GRIA1: variants seen among roughly 807,000 people sequenced by gnomAD.
GRIA1 encodes the protein glutamate ionotropic receptor AMPA type subunit 1.
In GRIA1, 31 loss-of-function variants were observed where a neutral mutation model predicts 99.2. The observed-to-expected ratio is 0.31, with a 90% CI of 0.23 to 0.42. The LOEUF (loss-of-function observed/expected upper bound fraction) is 0.42. Among genes scored for constraint, GRIA1 ranks in the 10% least tolerant of loss-of-function variants. The pLI, the probability that GRIA1 is intolerant of heterozygous loss-of-function variation, is 1.00. For synonymous variants in GRIA1, 438 were observed against 432.4 expected (o/e 1.01, Z -0.16); for missense variants, 782 against 1,157.5 (o/e 0.68, Z 4.71).
At chr5:153,713,434 G>T (rs1203805608) in intron 11 of GRIA1, among the ~76,000 whole-genome samples, 2 of 152,260 alleles carry the variant, frequency 1.3e-5, no homozygotes, top group African/African-American at 4.8e-5. Flanking sequence ...GAGATAGGGT[G>T]TGGAACTCCA....
chr5:153,724,080 C>T (rs976691313), intron 11 of GRIA1, among the ~76,000 whole-genome samples: 5 of 152,310 alleles, frequency 3.3e-5, no homozygotes, highest in East Asian at 1.9e-4. Context: ...GCAGCATTTG[C>T]GGTTCACGAA....
At chr5:153,808,453 CAT>C (rs1766590488) in intron 15 of GRIA1, among the ~76,000 whole-genome samples, 1 of 152,156 alleles carries the variant, frequency 6.6e-6, no homozygotes, top group Admixed American at 6.5e-5. Flanking sequence ...CACTAGGTCA[CAT>C]ATAACTGTTA....
chr5:153,708,396 G>A (rs1759069603), intron 11 of GRIA1, among the ~76,000 whole-genome samples: 1 of 152,152 alleles, frequency 6.6e-6, no homozygotes, highest in South Asian at 2.1e-4. Context: ...GACTTCTGAG[G>A]GTTCCACTAG....
intron 2 of GRIA1, among the ~76,000 whole-genome samples, chr5:153,556,137 G>A (rs1178279785): frequency 1.3e-5 from 2 of 152,142 alleles, no homozygotes; most frequent in Non-Finnish European, 2.9e-5. Context: ...GTAGTATGTG[G>A]CCTGGGTTTG....
intron 6 of GRIA1, among the ~76,000 whole-genome samples, chr5:153,675,592 CT>C (rs1364950680): frequency 6.6e-6 from 1 of 152,222 alleles, no homozygotes; most frequent in East Asian, 1.9e-4. Context: ...AACAGTGAAT[CT>C]TTGACAGACT....
chr5:153,593,083 T>C (rs955366212), intron 2 of GRIA1, among the ~76,000 whole-genome samples: 1 of 152,132 alleles, frequency 6.6e-6, no homozygotes, highest in African/African-American at 2.4e-5. Flanking sequence ...CTGGCCAAGA[T>C]GGCAAAACCC....
chr5:153,674,450 G>T, intron 5 of GRIA1, 50 bp from the exon 6 acceptor site: 2 of 1,604,922 alleles, frequency 1.2e-6, no homozygotes, highest in South Asian at 1.1e-5. Flanking sequence ...AGGTTAAGTT[G>T]ATTTATCCAG....
intron 2 of GRIA1, among the ~76,000 whole-genome samples, chr5:153,557,489 A>C (rs1760753822): frequency 6.6e-6 from 1 of 152,200 alleles, no homozygotes; most frequent in Non-Finnish European, 1.5e-5. Flanking sequence ...ACAAACTTTT[A>C]AATGTTTTAA....
At chr5:153,796,012 A>AG (rs1765623406) in intron 14 of GRIA1, among the ~76,000 whole-genome samples, 1 of 103,208 alleles carries the variant, frequency 9.7e-6, no homozygotes. Context: ...TTTTTTTTTA[A>AG]CTTTTTTTTT....
intron 15 of GRIA1, among the ~76,000 whole-genome samples, chr5:153,809,037 A>G (rs544864787): frequency 1.3e-5 from 2 of 152,344 alleles, no homozygotes; most frequent in South Asian, 2.1e-4. Flanking sequence ...CTTATGAGGA[A>G]CAAAGTCCAG....
chr5:153,725,886 G>A (rs1489652246), intron 11 of GRIA1, among the ~76,000 whole-genome samples: 33 of 134,198 alleles, frequency 2.5e-4, no homozygotes, highest in Admixed American at 5.3e-4. Context: ...TGCACCAAGC[G>A]GACCTAATAG....
At position 153,635,753 on chromosome 5, in the gene GRIA1, G is replaced by T. The variant is rs1017831494; in HGVS notation, c.221-11175G>T. On this transcript the variant is annotated intron_variant, in intron 2 of 15. Transcript: ENST00000285900. ...ACGTGGTAGAGCCTTGGCCTCAAAG[G>T]GTCCATCCACAATGTTGTGAGTCCC... Among the ~76,000 whole-genome samples the T allele has an allele frequency of 3.3e-5, 5 of 152,208 alleles. No individual in the cohort carries two copies. The South Asian group carries it at 8.3e-4, about 25-fold the overall frequency.
chr5:153,653,703 C>A (rs1168877799), intron 4 of GRIA1, among the ~76,000 whole-genome samples: 1 of 152,168 alleles, frequency 6.6e-6, no homozygotes, highest in Non-Finnish European at 1.5e-5. Context: ...TGGCACCCTA[C>A]TAAAATGTTA....
chr5:153,674,446 A>G, intron 5 of GRIA1, 54 bp from the exon 6 acceptor site: 22 of 1,599,802 alleles, frequency 1.4e-5, no homozygotes, highest in Non-Finnish European at 1.8e-5. Flanking sequence ...GAACAGGTTA[A>G]GTTGATTTAT....
At chr5:153,654,929 C>A (rs1754831780) in intron 4 of GRIA1, among the ~76,000 whole-genome samples, 1 of 152,190 alleles carries the variant, frequency 6.6e-6, no homozygotes, top group African/African-American at 2.4e-5. Context: ...CCTGCCCAAG[C>A]AAACTTCTGG....
chr5:153,789,275 C>T (rs1034258562), intron 13 of GRIA1, among the ~76,000 whole-genome samples: 3 of 151,404 alleles, frequency 2.0e-5, no homozygotes, highest in Admixed American at 1.3e-4. Context: ...AATGGAAGAC[C>T]ATCACCTTCC....
intron 2 of GRIA1, among the ~76,000 whole-genome samples, chr5:153,574,591 C>T (rs1077276): frequency 0.02 from 3,024 of 152,114 alleles, 107 homozygotes; most frequent in African/African-American, 0.068. Context: ...AGTATTATGA[C>T]CTGATTTCTG....
intron 11 of GRIA1, among the ~76,000 whole-genome samples, chr5:153,751,947 C>G (rs942062941): frequency 1.3e-5 from 2 of 152,232 alleles, no homozygotes; most frequent in African/African-American, 2.4e-5. Context: ...TCCTCTCCCA[C>G]AGCCCCTGCT....
intron 11 of GRIA1, among the ~76,000 whole-genome samples, chr5:153,735,344 AG>A (rs536489616): frequency 6.6e-6 from 1 of 152,164 alleles, no homozygotes; most frequent in Non-Finnish European, 1.5e-5. Context: ...GTCCCTTTTA[AG>A]GGCTCACAAC....
Sources: allele counts gnomAD v4.1 joint callset (sites outside exome capture counted in the v4.1 genomes callset), GRCh38; gene constraint gnomAD v4.1.1; transcripts MANE v1.5; gene names NCBI Gene and HGNC (gene_info 2026-07-23, HGNC 2026-07-21).